SUMF1: variants seen among roughly 807,000 people sequenced by gnomAD.
SUMF1 encodes sulfatase modifying factor 1, also known as formylglycine-generating enzyme.
In SUMF1, 48 loss-of-function variants were observed where a neutral mutation model predicts 47.6. The observed-to-expected ratio is 1.01, with a 90% CI of 0.80 to 1.28. SUMF1 has a LOEUF of 1.28. Among genes scored for constraint, SUMF1 ranks in the 50% most tolerant of loss-of-function variants. The pLI is 0.00. For synonymous variants in SUMF1, 230 were observed against 192.1 expected, an observed-to-expected ratio of 1.20 and a Z score of -1.63; for missense variants, 571 against 485.4, an observed-to-expected ratio of 1.18 and a Z score of -1.66.
rs1164190728 is a variant in SUMF1 at position 4,273,819 on chromosome 3, GAGGGGAGGGCATGGC to G, written c.1014+102496_1014+102510del. On this transcript the variant is annotated intron_variant and NMD_transcript_variant, in intron 8 of 12. Coordinates refer to the SUMF1 transcript ENST00000448413. The stretch of plus-strand genomic sequence containing the variant: ...GAGGGCATGGGAGGGGAGGGCATGG[GAGGGGAGGGCATGGC>G]AAGGGAGGGCATGGGAAGGCAGGGC... Among the ~76,000 whole-genome samples, 706 of 128,828 alleles carry G rather than the reference GAGGGGAGGGCATGGC, an allele frequency of 5.5e-3. 152 individuals carry two copies. Among genetic ancestry groups the G allele is most frequent in the African/African-American group, 0.021 (668 of 31,412 alleles). The allele number at this position is 128,828 out of a possible 152,430, so 84.5% of individuals were successfully genotyped here. A position where few individuals can be genotyped will look rare whatever the true frequency, so the allele number is the denominator to read the frequency against.
At chr3:4,309,233 G>C (rs1698311063) in intron 8 of SUMF1, among the ~76,000 whole-genome samples, 1 of 152,148 alleles carries the variant, frequency 6.6e-6, no homozygotes, top group Non-Finnish European at 1.5e-5. Flanking sequence ...CAGACTTAAA[G>C]AGTCTGTTCT....
At chr3:4,452,242 C>T (rs1323653603) in intron 2 of SUMF1, among the ~76,000 whole-genome samples, 2 of 151,916 alleles carry the variant, frequency 1.3e-5, no homozygotes, top group East Asian at 3.9e-4. Flanking sequence ...CTGACATAAA[C>T]ATTCATAGAC....
Position 4,190,260 on chromosome 3 carries a change from G to A in SUMF1, c.1015-121515C>T, listed in dbSNP as rs116226450. Among the ~76,000 whole-genome samples the A allele has an allele frequency of 3.1e-3, 477 of 151,570 alleles. 3 individuals carry two copies. The highest frequency in any genetic ancestry group is 0.01 in the African/African-American group (423 of 41,260). On this transcript the variant is annotated intron_variant and NMD_transcript_variant, in intron 8 of 12. Coordinates refer to the SUMF1 transcript ENST00000448413. The stretch of plus-strand genomic sequence containing the variant: ...CAGCTGGACGCTAATCATTTAGCTC[G>A]TGAAAACTATATTACATGGCTAATG...
At chr3:4,371,540 C>T (rs994185733) in intron 8 of SUMF1, among the ~76,000 whole-genome samples, 2 of 152,210 alleles carry the variant, frequency 1.3e-5, no homozygotes, top group Non-Finnish European at 2.9e-5. Context: ...ACAGAGGTCT[C>T]AATTTCCCGT....
At chr3:4,101,283 T>C (rs1215519673) in intron 8 of SUMF1, among the ~76,000 whole-genome samples, 1 of 152,138 alleles carries the variant, frequency 6.6e-6, no homozygotes, top group Non-Finnish European at 1.5e-5. Context: ...ATGTGGTATA[T>C]ACACACAATG....
chr3:4,452,021 T>C (rs1489009256), intron 2 of SUMF1, among the ~76,000 whole-genome samples: 2 of 151,986 alleles, frequency 1.3e-5, no homozygotes, highest in Non-Finnish European at 2.9e-5. Context: ...TTTGAGAAAA[T>C]TCCAAAGAAA....
intron 8 of SUMF1, among the ~76,000 whole-genome samples, chr3:4,218,845 C>T (rs959976001): frequency 1.3e-5 from 2 of 152,142 alleles, no homozygotes; most frequent in African/African-American, 2.4e-5. Flanking sequence ...ATTACACAAG[C>T]TGTTTATTCT....
intron 8 of SUMF1, among the ~76,000 whole-genome samples, chr3:4,078,655 G>T (rs1241102059): frequency 6.6e-6 from 1 of 152,000 alleles, no homozygotes; most frequent in East Asian, 1.9e-4. Flanking sequence ...CACTTTGGGA[G>T]GCCACAGCAG....
At chr3:4,252,893 T>C (rs956035825) in intron 8 of SUMF1, among the ~76,000 whole-genome samples, 1 of 152,160 alleles carries the variant, frequency 6.6e-6, no homozygotes, top group Non-Finnish European at 1.5e-5. Context: ...CTAAAACAAA[T>C]GTGATCCTGG....
intron 8 of SUMF1, among the ~76,000 whole-genome samples, chr3:4,283,572 C>A (rs1697571695): frequency 6.6e-6 from 1 of 152,206 alleles, no homozygotes; most frequent in African/African-American, 2.4e-5. Context: ...GGGATCAGTG[C>A]ATGCCTTATT....
intron 8 of SUMF1, among the ~76,000 whole-genome samples, chr3:4,170,340 C>T (rs1367694301): frequency 6.6e-6 from 1 of 152,142 alleles, no homozygotes; most frequent in Non-Finnish European, 1.5e-5. Context: ...ATTCAGATTG[C>T]TGAGTGCCCT....
At chr3:4,135,441 T>A (rs1179166875) in intron 8 of SUMF1, among the ~76,000 whole-genome samples, 2 of 151,822 alleles carry the variant, frequency 1.3e-5, no homozygotes, top group Non-Finnish European at 2.9e-5. Context: ...TGCTAAAAAC[T>A]CTCAATAAAT....
intron 8 of SUMF1, among the ~76,000 whole-genome samples, chr3:4,071,659 T>A (rs1449193137): frequency 6.6e-6 from 1 of 152,198 alleles, no homozygotes; most frequent in African/African-American, 2.4e-5. Flanking sequence ...GTAGGCGTTT[T>A]TATGCTCACA....
intron 8 of SUMF1, among the ~76,000 whole-genome samples, chr3:4,273,695 G>GGATACGGGAGGGAT (rs1697349286): frequency 9.5e-6 from 1 of 105,572 alleles, no homozygotes; most frequent in Non-Finnish European, 1.9e-5. Context: ...AAGGGAGGGA[G>GGATACGGGAGGGAT]GATACGGGAG....
intron 9 of SUMF1, among the ~76,000 whole-genome samples, chr3:4,042,131 A>C (rs1694917908): frequency 6.6e-6 from 1 of 152,202 alleles, no homozygotes; most frequent in South Asian, 2.1e-4. Context: ...TCCCTATAAA[A>C]TGGGAATAAT....
At chr3:4,375,495 G>A (rs1700300129) in intron 8 of SUMF1, among the ~76,000 whole-genome samples, 1 of 152,000 alleles carries the variant, frequency 6.6e-6, no homozygotes, top group African/African-American at 2.4e-5. Context: ...TTACAATGTG[G>A]AATAAAGTTT....
chr3:4,135,127 C>A (rs1020624874), intron 8 of SUMF1, among the ~76,000 whole-genome samples: 4 of 152,064 alleles, frequency 2.6e-5, no homozygotes, highest in Non-Finnish European at 4.4e-5. Flanking sequence ...TTTGATGATG[C>A]CAGCATCATC....
intron 8 of SUMF1, among the ~76,000 whole-genome samples, chr3:4,314,952 T>G (rs886407340): frequency 6.6e-6 from 1 of 152,206 alleles, no homozygotes; most frequent in Non-Finnish European, 1.5e-5. Context: ...TCCTCTGTAA[T>G]ATAAGTACAT....
chr3:4,449,717 A>G (rs1439685727), intron 2 of SUMF1, among the ~76,000 whole-genome samples: 2 of 152,242 alleles, frequency 1.3e-5, no homozygotes, highest in Non-Finnish European at 2.9e-5. Context: ...GAATCTAGCT[A>G]AACGAATTAA....
Sources: gnomAD v4.1 joint callset for allele counts (sites outside exome capture counted in the v4.1 genomes callset) on GRCh38, gnomAD v4.1.1 for gene constraint, MANE v1.5 for transcripts, NCBI Gene and HGNC (gene_info 2026-07-23, HGNC 2026-07-21) for gene names.